The following ARHGEF33 variants were observed in gnomAD, a reference collection of about 807,000 sequenced individuals.
The protein encoded by ARHGEF33 is Rho guanine nucleotide exchange factor 33.
Under a neutral mutation model 101.9 loss-of-function variants are expected in ARHGEF33, and 72 were observed. The ratio of observed to expected loss-of-function variants is 0.71; its 90% CI spans 0.58 to 0.86. The LOEUF (loss-of-function observed/expected upper bound fraction) is 0.86. Among genes scored for constraint, ARHGEF33 ranks in the 40% least tolerant of loss-of-function variants. The pLI is 0.00. For missense variants in ARHGEF33, 1,169 were observed against 1,111.3 expected, an observed-to-expected ratio of 1.05 and a Z score of -0.74; for synonymous variants, 499 against 442.5, an observed-to-expected ratio of 1.13 and a Z score of -1.60.
intron 4 of ARHGEF33, 90 bp downstream of exon 4, chr2:38,921,513 G>T (rs1666756614): frequency 2.2e-6 from 2 of 890,264 alleles, no homozygotes; most frequent in Non-Finnish European, 3.7e-6. Flanking sequence ...GCACTCACAA[G>T]TGCTTCCACA....
intron 16 of ARHGEF33, among the ~76,000 whole-genome samples, chr2:38,964,586 A>G (rs1254772851): frequency 2.0e-5 from 3 of 150,956 alleles, no homozygotes; most frequent in East Asian, 1.9e-4. Context: ...GCATTTCACA[A>G]TAGGGTTTGT....
chr2:38,971,632 G>T (rs548046969), intron 17 of ARHGEF33, among the ~76,000 whole-genome samples: 1 of 152,184 alleles, frequency 6.6e-6, no homozygotes, highest in African/African-American at 2.4e-5. Context: ...AAAGAGGTCA[G>T]TTAAAATGGT....
intron 12 of ARHGEF33, among the ~76,000 whole-genome samples, chr2:38,953,530 A>G (rs1338507844): frequency 6.6e-6 from 1 of 152,218 alleles, no homozygotes; most frequent in Non-Finnish European, 1.5e-5. Context: ...TCCAGGCTGC[A>G]GCTTACATGC....
intron 10 of ARHGEF33, among the ~76,000 whole-genome samples, chr2:38,947,087 C>T (rs1378583132): frequency 6.6e-6 from 1 of 152,206 alleles, no homozygotes; most frequent in East Asian, 1.9e-4. Context: ...AGTATATTAA[C>T]ATTTACTAAC....
chr2:38,910,983 TG>T (rs1488548634), intron 2 of ARHGEF33, among the ~76,000 whole-genome samples: 2 of 152,186 alleles, frequency 1.3e-5, no homozygotes, highest in Admixed American at 1.3e-4. Context: ...GTATGAGCTA[TG>T]GCTTCCTTGG....
intron 10 of ARHGEF33, among the ~76,000 whole-genome samples, chr2:38,949,586 T>C (rs1480059030): frequency 6.6e-6 from 1 of 152,060 alleles, no homozygotes; most frequent in Non-Finnish European, 1.5e-5. Flanking sequence ...CATTGCAAGA[T>C]GGAGAAGAGA....
chr2:38,958,120 C>T lies in ARHGEF33; in HGVS notation c.1457C>T (p.Ala486Val). Residue 486 changes from alanine to valine, a missense_variant, in exon 15 of 18, where the codon GCT (alanine) becomes GTT (valine). Physicochemically the swap from Ala to Val is moderately conservative, Grantham distance 64 (BLOSUM62 0). Transcript: ENST00000409978. Reference sequence around the variant, plus strand: ...GCTTCCCCCACTGCAGGTCCTGAGGCTGTCCGTGACACTGGGATCCACTCA... The same window carrying T: ...GCTTCCCCCACTGCAGGTCCTGAGGTTGTCCGTGACACTGGGATCCACTCA... ...QDASPTAGPE[A>V]VRDTGIHSEE... 1 of 1,552,110 alleles carries T rather than the reference C, an allele frequency of 6.4e-7. No individual in the cohort carries two copies. Among genetic ancestry groups the T allele is most frequent in the Non-Finnish European group, 8.7e-7 (1 of 1,147,092 alleles).
intron 2 of ARHGEF33, among the ~76,000 whole-genome samples, chr2:38,913,038 G>GTT (rs537468439): frequency 0.052 from 7,122 of 135,712 alleles, 226 homozygotes; most frequent in Middle Eastern, 0.063. Context: ...TCAACAAATT[G>GTT]TTTTTTTTTT....
chr2:38,935,560 C>A (rs1667109574), intron 7 of ARHGEF33, among the ~76,000 whole-genome samples: 1 of 152,142 alleles, frequency 6.6e-6, no homozygotes, highest in South Asian at 2.1e-4. Flanking sequence ...TTATTTATTT[C>A]TTATTGTAAT....
chr2:38,957,562 A>G (rs1667799929), intron 14 of ARHGEF33, among the ~76,000 whole-genome samples: 1 of 152,210 alleles, frequency 6.6e-6, no homozygotes, highest in Non-Finnish European at 1.5e-5. Context: ...AATAAAGCAA[A>G]TAAGGGAGAG....
At chr2:38,926,072 C>G (rs1485881753) in intron 4 of ARHGEF33, among the ~76,000 whole-genome samples, 2 of 152,178 alleles carry the variant, frequency 1.3e-5, no homozygotes, top group East Asian at 3.9e-4. Flanking sequence ...AGAATTCGGA[C>G]TCCTCTCCCC....
chr2:38,921,408 C>T lies in ARHGEF33; in HGVS notation c.60C>T (p.Ser20=). The change falls in exon 4 of 18, where the codon TCC becomes TCT. Residue 20 remains serine (S), a synonymous_variant. Transcript: ENST00000409978. ...AACATATGCCGGTGAATAATCCTTCCACGCAGATTTACCAGGTAAAGACAA... is the reference window on the plus strand; with the variant it reads ...AACATATGCCGGTGAATAATCCTTCTACGCAGATTTACCAGGTAAAGACAA... ...ENEHMPVNNP[S]TQIYQLQALA... is the part of the protein sequence containing the mutation. 6.5e-7 allele frequency: 1 copy of T among 1,545,982 alleles called. No homozygotes were observed.
intron 2 of ARHGEF33, among the ~76,000 whole-genome samples, chr2:38,909,495 T>C (rs907518165): frequency 2.0e-5 from 3 of 148,974 alleles, no homozygotes; most frequent in African/African-American, 7.4e-5. Context: ...CTAATTTCTT[T>C]TTTTTTTTTT....
At chr2:38,925,956 GA>G (rs150838428) in intron 4 of ARHGEF33, among the ~76,000 whole-genome samples, 5 of 148,512 alleles carry the variant, frequency 3.4e-5, no homozygotes, top group African/African-American at 7.4e-5. Context: ...GATCTTTCAT[GA>G]AAAAAAAAAT....
Position 38,937,471 on chromosome 2 carries a change from C to T in ARHGEF33, c.702C>T (p.Val234=). The change falls in exon 9 of 18, where the codon GTC becomes GTT. Residue 234 remains valine, a synonymous_variant. Transcript: ENST00000409978. ...KDGKEWGEEY[V]TKDHPDKLKE... is the part of the protein sequence containing the mutation. ...GTAAAGAATGGGGTGAAGAATACGT[C>T]ACAAAAGACCACCCAGATAAACTCA... 1.9e-6 allele frequency: 3 copies of T among 1,550,678 alleles called. No homozygotes were observed. Among genetic ancestry groups the T allele is most frequent in the Non-Finnish European group, 2.6e-6 (3 of 1,146,344 alleles).
At chr2:38,947,010 T>C (rs953103334) in intron 10 of ARHGEF33, among the ~76,000 whole-genome samples, 1 of 152,176 alleles carries the variant, frequency 6.6e-6, no homozygotes, top group Non-Finnish European at 1.5e-5. Context: ...TTTTTCTCCA[T>C]GCAAAGATGA....
At chr2:38,892,699 ATTATC>A (rs1666031504) in intron 1 of ARHGEF33, among the ~76,000 whole-genome samples, 1 of 152,190 alleles carries the variant, frequency 6.6e-6, no homozygotes, top group Non-Finnish European at 1.5e-5. Flanking sequence ...AATTTTAAAA[ATTATC>A]TTATGACATA....
In ARHGEF33 at chr2:38,960,447, T is replaced by A. The variant is rs1667895734; in HGVS notation, c.2142T>A (p.Arg714=). The part of the protein sequence containing the change: ...PLSRSLKEFP[R]APPADGVAPR... Reference sequence around the variant, plus strand: ...GCCGCTCTCTCAAAGAGTTCCCGCGTGCGCCGCCAGCCGACGGCGTGGCCC... The same window carrying A: ...GCCGCTCTCTCAAAGAGTTCCCGCGAGCGCCGCCAGCCGACGGCGTGGCCC... The change falls in exon 16 of 18, where the codon CGT becomes CGA. Residue 714 remains arginine (R), a synonymous_variant. Coordinates refer to ENST00000409978, the MANE Select transcript of ARHGEF33 (RefSeq NM_001145451.5). 6.7e-7 allele frequency: 1 copy of A among 1,495,246 alleles called. No homozygotes were observed. 92.6% of individuals were successfully genotyped at this position (1,495,246 alleles called of 1,614,324 possible). A position where few individuals can be genotyped will look rare whatever the true frequency, so the allele number is the denominator to read the frequency against.
chr2:38,946,167 G>T (rs1430173179), intron 10 of ARHGEF33, among the ~76,000 whole-genome samples: 2 of 152,192 alleles, frequency 1.3e-5, no homozygotes, highest in African/African-American at 4.8e-5. Flanking sequence ...CCTCCAGCAG[G>T]CGGGAGGTCA....
Sources: gnomAD v4.1 joint callset for allele counts (sites outside exome capture counted in the v4.1 genomes callset) on GRCh38, gnomAD v4.1.1 for gene constraint, MANE v1.5 for transcripts, NCBI Gene and HGNC (gene_info 2026-07-23, HGNC 2026-07-21) for gene names.